CEP295: variants seen among roughly 807,000 people sequenced by gnomAD.
CEP295 encodes the protein centrosomal protein of 295 kDa.
Under a neutral mutation model 291.6 loss-of-function variants are expected in CEP295, and 190 were observed. That is an observed-to-expected ratio of 0.65 (90% CI 0.58 to 0.73). The LOEUF is 0.73. Ranked by LOEUF, CEP295 falls within the 30% of genes least tolerant of loss-of-function variation. The pLI, the probability that CEP295 is intolerant of heterozygous loss-of-function variation, is 0.00. For missense variants in CEP295, 2,863 were observed against 2,949.4 expected (o/e 0.97, Z 0.68); for synonymous variants, 993 against 1,038.8 (o/e 0.96, Z 0.85).
At chr11:93,719,611 C>G (rs575467415) in intron 18 of CEP295, 1 of 151,788 alleles carries the variant, frequency 6.6e-6, no homozygotes, top group African/African-American at 2.4e-5. Context: ...TCTCCTGGTC[C>G]GAATGTAATG....
At chr11:93,679,145 A>C (rs1472714900) in intron 6 of CEP295, among the ~76,000 whole-genome samples, 1 of 152,184 alleles carries the variant, frequency 6.6e-6, no homozygotes, top group African/African-American at 2.4e-5. Context: ...GCCCAGCAAG[A>C]GATTTCTTTG....
Position 93,699,463 on chromosome 11 carries a change from A to G in CEP295, c.4551A>G (p.Lys1517=), listed in dbSNP as rs1279367589. The part of the protein sequence containing the change: ...ALQQQLDTQK[K]AIRSIQEVQE... The stretch of plus-strand genomic sequence containing the variant: ...AACAGCAGTTAGATACACAGAAGAA[A>G]GCCATTCGATCTATACAGGAAGTCC... Residue 1517 remains lysine, a synonymous_variant, in exon 15 of 30, where the codon AAA becomes AAG. Transcript: ENST00000325212. The G allele has an allele frequency of 6.4e-7, 1 of 1,551,736 alleles. No individual in the cohort carries two copies. Among genetic ancestry groups the G allele is most frequent in the African/African-American group, 1.4e-5 (1 of 73,170 alleles).
Position 93,728,779 on chromosome 11 carries a change from C to T in CEP295, c.7260C>T (p.Thr2420=). ...SIAEMDFANL[T]LEEKSENEAK... is the part of the protein sequence containing the mutation. Reference sequence around the variant, plus strand: ...CTGAAATGGATTTTGCAAATTTAACCCTAGAAGAGAAGAGCGAGAATGAAG... The same window carrying T: ...CTGAAATGGATTTTGCAAATTTAACTCTAGAAGAGAAGAGCGAGAATGAAG... Residue 2420 remains threonine, a synonymous_variant, in exon 25 of 30, where the codon ACC becomes ACT. Transcript: ENST00000325212. 3.9e-6 allele frequency: 6 copies of T among 1,549,612 alleles called. No homozygotes were observed. Among genetic ancestry groups the T allele is most frequent in the Non-Finnish European group, 5.2e-6 (6 of 1,146,472 alleles).
rs545975785 is a variant in CEP295, at chr11:93,671,715, G to A, written c.528+1945G>A. Among the ~76,000 whole-genome samples, 10 of 152,208 alleles carry A rather than the reference G, an allele frequency of 6.6e-5. No homozygotes were observed. In the South Asian group the frequency reaches 2.1e-3, roughly 32 times the overall value. ...TGTGAATTTATGGCATAGAAGGGAG[G>A]GATAGGATTTTAGTTTGGGAAAAGC... On this transcript the variant is annotated intron_variant, in intron 5 of 29. Transcript: ENST00000325212.
At chr11:93,727,827 C>A in intron 24 of CEP295, 190 bp downstream of exon 24, 1 of 501,318 alleles carries the variant, frequency 2.0e-6, no homozygotes, top group Non-Finnish European at 3.5e-6. Context: ...CAGGAAAAAC[C>A]TGAAACAAAA....
At chr11:93,721,708 A>T in intron 19 of CEP295, 1 of 706,090 alleles carries the variant, frequency 1.4e-6, no homozygotes, top group East Asian at 2.8e-5. Context: ...GTGTACGCAC[A>T]TGTGTTTATA....
At position 93,683,725 on chromosome 11, in the gene CEP295, T is replaced by G; in HGVS notation, c.932T>G (p.Met311Arg). 1 of 1,542,430 alleles carries G rather than the reference T, an allele frequency of 6.5e-7. No individual in the cohort carries two copies. The highest frequency in any genetic ancestry group is 1.2e-5 in the South Asian group (1 of 81,524). ...GAATTGGAATTTGCCTTTGAAGATA[T>G]GTACAATGCAGACAGGAGTAAGATA... is the stretch of plus-strand genomic sequence containing the variant. ...QRELEFAFEDMYNADRKVKGN... is the reference protein window; with the variant it reads ...QRELEFAFEDRYNADRKVKGN... Residue 311 changes from methionine to arginine, a missense_variant, in exon 8 of 30, where the codon ATG (methionine) becomes AGG (arginine). Transcript: ENST00000325212.
intron 9 of CEP295, among the ~76,000 whole-genome samples, chr11:93,685,422 A>C (rs1951180048): frequency 6.6e-6 from 1 of 152,122 alleles, no homozygotes; most frequent in South Asian, 2.1e-4. Flanking sequence ...TTGGGATTCC[A>C]ACTTTATGTA....
intron 5 of CEP295, among the ~76,000 whole-genome samples, chr11:93,673,636 A>C (rs1157591443): frequency 1.3e-5 from 2 of 151,668 alleles, no homozygotes; most frequent in Non-Finnish European, 2.9e-5. Flanking sequence ...TGGGATTACA[A>C]GTGTGTGCCA....
rs186054282 is a variant in CEP295, at chr11:93,698,011, A to G, written c.3099A>G (p.Gln1033=). ...GCGAGAAAGGACTTGTTTCATGCCA[A>G]TCTGACATCCCCATATCTCAGGATG... The part of the protein sequence containing the change: ...SKSEKGLVSC[Q]SDIPISQDGS... The change falls in exon 15 of 30, where the codon CAA becomes CAG. Residue 1033 remains glutamine, a synonymous_variant. Coordinates refer to ENST00000325212, the MANE Select transcript of CEP295 (RefSeq NM_033395.2). 4.6e-4 allele frequency: 712 copies of G among 1,551,750 alleles called. 8 individuals carry two copies. The East Asian group carries it at 0.014, about 31-fold the overall frequency.
At chr11:93,696,623 A>G in intron 14 of CEP295, 59 bp from the exon 15 acceptor site, 1 of 1,417,390 alleles carries the variant, frequency 7.1e-7, no homozygotes, top group Non-Finnish European at 9.4e-7. Context: ...TAATGTATAG[A>G]CATGGGGCTT....
chr11:93,685,987 G>A (rs1951215761), intron 9 of CEP295, among the ~76,000 whole-genome samples: 1 of 151,564 alleles, frequency 6.6e-6, no homozygotes, highest in Non-Finnish European at 1.5e-5. Flanking sequence ...GGGATTACAG[G>A]CATGAGCCAC....
chr11:93,677,572 C>T (rs542641412), intron 6 of CEP295, among the ~76,000 whole-genome samples: 39 of 152,122 alleles, frequency 2.6e-4, no homozygotes, highest in Non-Finnish European at 5.0e-4. Context: ...CTTAAAAGTC[C>T]TACATTACAT....
rs772388585 is a variant in CEP295, at chr11:93,702,484, G to T, written c.5299G>T (p.Asp1767Tyr). 1.2e-5 allele frequency: 18 copies of T among 1,538,642 alleles called. No homozygotes were observed. Among genetic ancestry groups the T allele is most frequent in the Non-Finnish European group, 1.5e-5 (17 of 1,143,212 alleles). Residue 1767 changes from aspartate (D) to tyrosine (Y), a missense_variant, in exon 16 of 30, where the codon GAT becomes TAT. Physicochemically the swap from Asp to Tyr is radical, Grantham distance 160 (BLOSUM62 -3). Transcript: ENST00000325212. The stretch of plus-strand genomic sequence containing the variant: ...GATAAGTAAGCCCACAGTTGAAAAT[G>T]ATTTAAAAACCCAGAAGATGGGGCA... ...SQISKPTVEN[D>Y]LKTQKMGQLR...
Position 93,730,051 on chromosome 11 carries a change from T to A in CEP295, c.7670T>A (p.Leu2557Ter), listed in dbSNP as rs980660332. ...AATTCTATATAAATTCTTTACAGGT[T>A]ATACAATCAACTAGCTGAAGTGAAA... ...QALRHQRGLR[L>*]YNQLAEVKQQ... Residue 2557 changes from leucine (L) to a stop codon, truncating the protein, a stop_gained and splice_region_variant, in exon 29 of 30, where the codon TTA becomes TAA. Transcript: ENST00000325212. LOFTEE classifies it high-confidence loss of function. The A allele has an allele frequency of 3.9e-6, 6 of 1,536,234 alleles. No homozygotes were observed. The African/African-American group carries it at 8.3e-5, about 21-fold the overall frequency.
intron 10 of CEP295, among the ~76,000 whole-genome samples, chr11:93,691,187 A>G (rs951578277): frequency 6.0e-5 from 9 of 151,064 alleles, no homozygotes; most frequent in African/African-American, 2.2e-4. Flanking sequence ...AGCATCTGCC[A>G]CATAAGTAGG....
chr11:93,717,903 T>A (rs796966872), intron 18 of CEP295, among the ~76,000 whole-genome samples: 7 of 152,192 alleles, frequency 4.6e-5, no homozygotes, highest in African/African-American at 1.7e-4. Flanking sequence ...AGATTCAGAT[T>A]GTTTCAAATT....
Position 93,729,485 on chromosome 11 carries a change from G to A in CEP295, c.7354G>A (p.Ala2452Thr), listed in dbSNP as rs765236525. The change falls in exon 26 of 30, where the codon GCT (alanine) becomes ACT (threonine). Residue 2452 changes from alanine to threonine, a missense_variant. Ala to Thr is a moderately conservative substitution (Grantham distance 58, BLOSUM62 0). This residue lies in a region of CEP295 where 2,295 missense variants were observed against 2,335.7 expected (regional missense o/e 0.98). Transcript: ENST00000325212. Reference protein sequence around the residue: ...VSATEASDYPAVSELSIEKPR... With the variant: ...VSATEASDYPTVSELSIEKPR... ...AGCAACAGAAGCCTCAGATTATCCA[G>A]CTGTATCAGAACTTTCCATAGAAAA... The A allele has an allele frequency of 6.4e-7, 1 of 1,551,926 alleles. No individual in the cohort carries two copies.
At chr11:93,691,445 G>C (rs1025690907) in intron 10 of CEP295, among the ~76,000 whole-genome samples, 1 of 152,034 alleles carries the variant, frequency 6.6e-6, no homozygotes, top group South Asian at 2.1e-4. Context: ...TCCTATCAGC[G>C]TATCTATTAA....
Sources: gnomAD v4.1 joint callset for allele counts (sites outside exome capture counted in the v4.1 genomes callset) on GRCh38, gnomAD v4.1.1 for gene constraint, gnomAD v4.1.1 regional missense constraint, MANE v1.5 for transcripts, NCBI Gene and HGNC (gene_info 2026-07-23, HGNC 2026-07-21) for gene names.